The following PMS2 variants were observed in gnomAD, a reference collection of about 807,000 sequenced individuals.
PMS2 encodes the protein PMS1 homolog 2, mismatch repair system component, also known as mismatch repair endonuclease PMS2.
PMS2 carries 69 observed loss-of-function variants against 90.0 expected under a neutral mutation model. The ratio of observed to expected loss-of-function variants is 0.77; its 90% CI spans 0.63 to 0.94. The LOEUF is 0.94. PMS2 is among the 40% of genes least tolerant of loss of function. The pLI is 0.00. For synonymous variants in PMS2, 332 were observed against 375.1 expected (o/e 0.89, Z 1.33); for missense variants, 966 against 1,040.2 (o/e 0.93, Z 0.98).
chr7:6,007,399 C>T (rs896952977), intron 1 of PMS2, among the ~76,000 whole-genome samples: 3 of 152,014 alleles, frequency 2.0e-5, no homozygotes, highest in East Asian at 1.9e-4. Context: ...TACAGGGGAC[C>T]GCAACCAGCC....
intron 14 of PMS2, among the ~76,000 whole-genome samples, chr7:5,977,333 G>A (rs1781778754): frequency 6.8e-6 from 1 of 147,600 alleles, no homozygotes; most frequent in African/African-American, 2.5e-5. Context: ...GGGATTAGAG[G>A]CTTGAGCCAC....
chr7:5,978,426 AC>A (rs201067462), intron 13 of PMS2, among the ~76,000 whole-genome samples, 169 bp downstream of exon 13: 3,015 of 148,934 alleles, frequency 0.02, 169 homozygotes, highest in Admixed American at 0.1. Context: ...ACCCGCCACC[AC>A]GCCCGGCTAC....
At chr7:6,001,559 T>C (rs59436356) in intron 5 of PMS2, among the ~76,000 whole-genome samples, 1 of 152,004 alleles carries the variant, frequency 6.6e-6, no homozygotes, top group Non-Finnish European at 1.5e-5. Flanking sequence ...TTAGTAGAGA[T>C]GGGGTTTCAC....
rs1177864160 is a variant in PMS2, at chr7:6,005,331, A to G, written c.163+561T>C. On this transcript the variant is annotated intron_variant, in intron 2 of 14. Coordinates refer to ENST00000265849, the MANE Select transcript of PMS2 (RefSeq NM_000535.7). The stretch of plus-strand genomic sequence containing the variant: ...GCAATTCTCGTGCCTCAGTGTCCCA[A>G]GTAGCTGGGATTACAGGCTTCTGCC... 4.6e-5 allele frequency among the ~76,000 whole-genome samples: 7 copies of G among 152,128 alleles called. No individual in the cohort carries two copies. In the East Asian group the frequency reaches 5.8e-4, roughly 13 times the overall value.
intron 2 of PMS2, among the ~76,000 whole-genome samples, chr7:6,004,899 T>A (rs1489630453): frequency 6.6e-6 from 1 of 152,128 alleles, no homozygotes; most frequent in East Asian, 1.9e-4. Context: ...GTTTTTTTTA[T>A]TTTATTATTC....
At chr7:5,993,381 A>AC (rs1405520072) in intron 8 of PMS2, among the ~76,000 whole-genome samples, 1 of 126,518 alleles carries the variant, frequency 7.9e-6, no homozygotes. Context: ...AAAAAAAAAA[A>AC]AAAAAAAAAG....
chr7:5,992,590 G>C (rs1783892355), intron 8 of PMS2, among the ~76,000 whole-genome samples: 1 of 152,170 alleles, frequency 6.6e-6, no homozygotes, highest in Non-Finnish European at 1.5e-5. Flanking sequence ...AAAGTGCTGG[G>C]ATTATAGGCG....
rs1784569328 is a variant in PMS2, at chr7:5,997,571, G to A, written c.706-148C>T. The stretch of plus-strand genomic sequence containing the variant: ...GTTTTGTTTTGTTTTTTGAGACAGG[G>A]TCTCCCTCTATTGCCCAGGCTGGAG... On this transcript the variant is annotated intron_variant, in intron 6 of 14. Transcript: ENST00000265849. 3 of 643,374 alleles carry A rather than the reference G, an allele frequency of 4.7e-6. 1 individual carries two copies. The highest frequency in any genetic ancestry group is 3.9e-5 in the South Asian group (2 of 51,704). 39.9% of individuals were successfully genotyped at this position (643,374 alleles called of 1,614,324 possible).
chr7:6,005,729 A>G (rs1785665161), intron 2 of PMS2, among the ~76,000 whole-genome samples, 163 bp downstream of exon 2: 1 of 152,210 alleles, frequency 6.6e-6, no homozygotes, highest in Non-Finnish European at 1.5e-5. Flanking sequence ...TATTATTACT[A>G]CCTAGCTAAG....
intron 10 of PMS2, 121 bp downstream of exon 10, chr7:5,989,679 A>C (rs996989338): frequency 1.2e-5 from 9 of 747,928 alleles, no homozygotes; most frequent in Non-Finnish European, 2.0e-5. Context: ...AAAAGAATTA[A>C]AAATGATAAA....
At chr7:5,995,657 G>T in intron 7 of PMS2, 24 bp from the exon 8 acceptor site, 1 of 1,495,674 alleles carries the variant, frequency 6.7e-7, no homozygotes, top group Non-Finnish European at 9.3e-7. Flanking sequence ...ATATGGTAAG[G>T]GCAGGATTCC....
chr7:5,991,091 A>G (rs55842018), intron 9 of PMS2, among the ~76,000 whole-genome samples: 19,240 of 152,208 alleles, frequency 0.13, 1,326 homozygotes, highest in Non-Finnish European at 0.15. Flanking sequence ...AAAACTAAAA[A>G]CAATTTAATT....
chr7:6,001,128 A>G lies in PMS2; in HGVS notation c.537+1325T>C, dbSNP rs561560907. Reference sequence around the variant, plus strand: ...GGAAGGCACAAAGAAGACAGCAAAAACTGCATGAGATCTCACATCCAAGGA... The same window carrying G: ...GGAAGGCACAAAGAAGACAGCAAAAGCTGCATGAGATCTCACATCCAAGGA... On this transcript the variant is annotated intron_variant, in intron 5 of 14. Transcript: ENST00000265849. Among the ~76,000 whole-genome samples, 3 of 152,304 alleles carry G rather than the reference A, an allele frequency of 2.0e-5. No homozygotes were observed. The East Asian group carries it at 5.8e-4, about 29-fold the overall frequency.
intron 5 of PMS2, chr7:6,002,138 T>A (rs555167300): frequency 1.0e-4 from 34 of 326,250 alleles, no homozygotes; most frequent in South Asian, 9.1e-4. Flanking sequence ...CAAGTGATCC[T>A]CCCACTTCAG....
At chr7:5,995,284 G>A (rs1426423541) in intron 8 of PMS2, among the ~76,000 whole-genome samples, 4 of 152,072 alleles carry the variant, frequency 2.6e-5, no homozygotes, top group African/African-American at 7.2e-5. Flanking sequence ...CAATCCACCC[G>A]CCTCGGCCTC....
intron 1 of PMS2, 127 bp downstream of exon 1, chr7:6,008,870 G>GCC: frequency 8.5e-7 from 1 of 1,172,368 alleles, no homozygotes; most frequent in Non-Finnish European, 1.3e-6. Flanking sequence ...CCACTCCGGG[G>GCC]CCTCCAGGGG....
chr7:5,983,134 A>G, intron 11 of PMS2, 143 bp from the exon 12 acceptor site: 2 of 1,307,062 alleles, frequency 1.5e-6, no homozygotes, highest in Non-Finnish European at 2.1e-6. Context: ...TTTTTTTGAA[A>G]CAGAGTCTCG....
chr7:5,995,906 C>T (rs963565979), intron 7 of PMS2, among the ~76,000 whole-genome samples: 21 of 152,118 alleles, frequency 1.4e-4, no homozygotes, highest in Admixed American at 3.9e-4. Context: ...CTCTCCTTAC[C>T]CTTCCTGATA....
intron 8 of PMS2, among the ~76,000 whole-genome samples, chr7:5,995,227 G>A (rs1225384802): frequency 6.6e-6 from 1 of 151,958 alleles, no homozygotes; most frequent in Non-Finnish European, 1.5e-5. Flanking sequence ...AGTAGAGACG[G>A]GGTTTTGTCA....
Sources: gnomAD v4.1 joint callset for allele counts (sites outside exome capture counted in the v4.1 genomes callset) on GRCh38, gnomAD v4.1.1 for gene constraint, MANE v1.5 for transcripts, NCBI Gene and HGNC (gene_info 2026-07-23, HGNC 2026-07-21) for gene names.